The following ALPK2 variants were observed in gnomAD, a reference collection of about 807,000 sequenced individuals.
ALPK2 encodes the protein alpha kinase 2, also known as alpha-protein kinase 2.
Under a neutral mutation model 163.1 loss-of-function variants are expected in ALPK2, and 127 were observed. That is an observed-to-expected ratio of 0.78 (90% CI 0.67 to 0.90). The LOEUF is 0.90. Ranked by LOEUF, ALPK2 falls within the 40% of genes least tolerant of loss-of-function variation. The pLI, the probability that ALPK2 is intolerant of heterozygous loss-of-function variation, is 0.00. For missense variants in ALPK2, 2,360 were observed against 2,589.6 expected (o/e 0.91, Z 1.92); for synonymous variants, 953 against 959.1 (o/e 0.99, Z 0.12).
At position 58,487,261 on chromosome 18, in the gene ALPK2, GAC is replaced by G. The variant is rs1203203468; in HGVS notation, c.6297-5224_6297-5223del. Among the ~76,000 whole-genome samples, 8 of 152,190 alleles carry G rather than the reference GAC, an allele frequency of 5.3e-5. No individual in the cohort carries two copies. In the South Asian group the frequency reaches 6.2e-4, roughly 12 times the overall value. ...TCATAAGAAGATGACAAAAGACAGA[GAC>G]ACACAGGGGGAATATCATGTGATGT... On this transcript the variant is annotated intron_variant, in intron 12 of 12. Coordinates refer to ENST00000361673, the MANE Select transcript of ALPK2 (RefSeq NM_052947.4).
In ALPK2 at chr18:58,521,625, C is replaced by CTTTTTTTTTTTTT. The variant is rs1375364902; in HGVS notation, c.5665+2180_5665+2181insAAAAAAAAAAAAA. ...CATTTCTTTTTCTTTCTTTCTCTCT[C>CTTTTTTTTTTTTT]TCTTTTTTTTTTTTTTTTTTTGAGA... On this transcript the variant is annotated intron_variant, in intron 8 of 12. Transcript: ENST00000361673. 4.1e-3 allele frequency among the ~76,000 whole-genome samples: 205 copies of CTTTTTTTTTTTTT among 50,522 alleles called. 3 individuals are homozygous for CTTTTTTTTTTTTT. The highest frequency in any genetic ancestry group is 6.0e-3 in the Non-Finnish European group (149 of 24,698). The allele number at this position is 50,522 out of a possible 152,430, so 33.1% of individuals were successfully genotyped here.
chr18:58,526,729 A>G (rs1210829307), intron 6 of ALPK2, among the ~76,000 whole-genome samples: 4 of 152,144 alleles, frequency 2.6e-5, no homozygotes, highest in Non-Finnish European at 4.4e-5. Context: ...GTTTCTTCGA[A>G]GTATATTAGT....
rs1372662099 is a variant in ALPK2 at position 58,537,224 on chromosome 18, T to C, written c.2963A>G (p.Lys988Arg). The change falls in exon 5 of 13, where the codon AAG (lysine) becomes AGG (arginine). Residue 988 changes from lysine (K) to arginine (R), a missense_variant. By Grantham distance (26) the Lys-to-Arg change is conservative (BLOSUM62 2). Coordinates refer to ENST00000361673, the MANE Select transcript of ALPK2 (RefSeq NM_052947.4). Reference protein sequence around the residue: ...YSSIVSFPWEKPTTLTANNEC... With the variant: ...YSSIVSFPWERPTTLTANNEC... ...ATTATTAGCAGTTAATGTTGTTGGCTTCTCCCAAGGAAAACTCACAATTGA... is the reference window on the plus strand; with the variant it reads ...ATTATTAGCAGTTAATGTTGTTGGCCTCTCCCAAGGAAAACTCACAATTGA... 6.2e-7 allele frequency: 1 copy of C among 1,614,094 alleles called. No individual in the cohort carries two copies. Among genetic ancestry groups the C allele is most frequent in the East Asian group, 2.2e-5 (1 of 44,898 alleles).
intron 12 of ALPK2, among the ~76,000 whole-genome samples, chr18:58,491,643 C>T (rs35014007): frequency 0.21 from 32,651 of 152,070 alleles, 4,100 homozygotes; most frequent in South Asian, 0.41. Flanking sequence ...CCCCACTTCC[C>T]GACCCCCAAT....
intron 12 of ALPK2, among the ~76,000 whole-genome samples, chr18:58,491,305 C>T (rs183343328): frequency 1.3e-5 from 2 of 152,368 alleles, no homozygotes; most frequent in East Asian, 3.9e-4. Flanking sequence ...CCAAAACAAA[C>T]TCCCTTCTTG....
chr18:58,529,314 C>A (rs2051600403), intron 5 of ALPK2, 76 bp from the exon 6 acceptor site: 2 of 1,369,060 alleles, frequency 1.5e-6, no homozygotes, highest in South Asian at 2.8e-5. Flanking sequence ...CATAACAATC[C>A]TGAGAGACAG....
At chr18:58,613,708 AAATAAT>A (rs147174781) in intron 1 of ALPK2, among the ~76,000 whole-genome samples, 6,395 of 95,080 alleles carry the variant, frequency 0.067, 297 homozygotes, top group African/African-American at 0.12. Context: ...CAAAAAAAAA[AAATAAT>A]AATAATAATA....
Position 58,578,731 on chromosome 18 carries a change from G to GACACACACACACAC in ALPK2, c.1962+82_1962+83insGTGTGTGTGTGTGT, listed in dbSNP as rs1478568401. The GACACACACACACAC allele has an allele frequency of 8.8e-4, 92 of 104,290 alleles. 1 individual carries two copies. In the South Asian group the frequency reaches 9.9e-3, roughly 11 times the overall value. 6.5% of individuals were successfully genotyped at this position (104,290 alleles called of 1,614,324 possible). On this transcript the variant is annotated intron_variant, in intron 4 of 12. Coordinates refer to ENST00000361673, the MANE Select transcript of ALPK2 (RefSeq NM_052947.4). ...CAATTGTGAATGTGAAGTAAAGGAA[G>GACACACACACACAC]AGACACACACACACACACACACACA...
At chr18:58,597,864 A>C (rs2144217296) in intron 3 of ALPK2, among the ~76,000 whole-genome samples, 1 of 152,320 alleles carries the variant, frequency 6.6e-6, no homozygotes, top group East Asian at 1.9e-4. Flanking sequence ...TGACAGGATT[A>C]GTGCCCTTAG....
chr18:58,496,226 A>C (rs1276698394), intron 12 of ALPK2, among the ~76,000 whole-genome samples: 2 of 152,202 alleles, frequency 1.3e-5, no homozygotes, highest in African/African-American at 4.8e-5. Flanking sequence ...TGGAAGCAGC[A>C]GCATCAGGGT....
At chr18:58,574,989 G>A (rs1249669144) in intron 4 of ALPK2, among the ~76,000 whole-genome samples, 2 of 152,102 alleles carry the variant, frequency 1.3e-5, no homozygotes, top group Non-Finnish European at 2.9e-5. Flanking sequence ...CGAGGCAGGT[G>A]GATCACCTGA....
At chr18:58,621,562 C>T (rs1238083910) in intron 1 of ALPK2, among the ~76,000 whole-genome samples, 2 of 152,076 alleles carry the variant, frequency 1.3e-5, no homozygotes, top group Non-Finnish European at 2.9e-5. Flanking sequence ...TGAGCCACTG[C>T]ACCAGGCCAA....
chr18:58,610,752 C>T (rs999337030), intron 2 of ALPK2, among the ~76,000 whole-genome samples: 13 of 151,644 alleles, frequency 8.6e-5, no homozygotes, highest in Non-Finnish European at 1.9e-4. Context: ...CCATCCTGGC[C>T]AACATGGTGA....
At chr18:58,572,257 G>C (rs1031275620) in intron 4 of ALPK2, among the ~76,000 whole-genome samples, 8 of 152,122 alleles carry the variant, frequency 5.3e-5, no homozygotes, top group Non-Finnish European at 8.8e-5. Context: ...CCAAATGCTG[G>C]TGCAGATGTG....
At chr18:58,533,073 C>T (rs1240354754) in intron 5 of ALPK2, among the ~76,000 whole-genome samples, 9 of 152,316 alleles carry the variant, frequency 5.9e-5, no homozygotes, top group East Asian at 5.8e-4. Flanking sequence ...CCGTAGTCTC[C>T]GGCAGGGCCC....
intron 1 of ALPK2, among the ~76,000 whole-genome samples, chr18:58,627,548 C>T (rs1250145146): frequency 6.6e-6 from 1 of 152,124 alleles, no homozygotes. Context: ...TCGCTTGAAC[C>T]CAGGGGGCGG....
At chr18:58,491,909 C>T (rs2144100915) in intron 12 of ALPK2, among the ~76,000 whole-genome samples, 1 of 152,328 alleles carries the variant, frequency 6.6e-6, no homozygotes, top group African/African-American at 2.4e-5. Flanking sequence ...GAGAATTCAC[C>T]ATTCAGAGGA....
In ALPK2 at chr18:58,579,055, G is replaced by C. The variant is rs766525021; in HGVS notation, c.1721C>G (p.Pro574Arg). The change falls in exon 4 of 13, where the codon CCA becomes CGA. Residue 574 changes from proline to arginine, a missense_variant. Pro to Arg is a moderately radical substitution (Grantham distance 103). Coordinates refer to ENST00000361673, the MANE Select transcript of ALPK2 (RefSeq NM_052947.4). The part of the protein sequence containing the change: ...LCSAKESAEP[P>R]LTQSDKRETS... ...CTCTCTTTTATCACTCTGGGTTAGT[G>C]GGGGCTCAGCAGATTCTTTGGCAGA... is the stretch of plus-strand genomic sequence containing the variant. 7 of 1,614,226 alleles carry C rather than the reference G, an allele frequency of 4.3e-6. No homozygotes were observed. Among genetic ancestry groups the C allele is most frequent in the African/African-American group, 2.7e-5 (2 of 75,052 alleles).
Position 58,536,111 on chromosome 18 carries a change from G to A in ALPK2, c.4076C>T (p.Ala1359Val), listed in dbSNP as rs372041420. The A allele has an allele frequency of 1.1e-5, 18 of 1,613,970 alleles. No homozygotes were observed. The highest frequency in any genetic ancestry group is 2.7e-5 in the African/African-American group (2 of 74,904). ...TTCCTTCCCTCCAGTTTCAGAAGCC[G>A]CTGACAGTGAATCTGTGACAGATAA... is the stretch of plus-strand genomic sequence containing the variant. ...KELSVTDSLS[A>V]ASETGGKENV... Residue 1359 changes from alanine to valine, a missense_variant, in exon 5 of 13, where the codon GCG (alanine) becomes GTG (valine). Coordinates refer to ENST00000361673, the MANE Select transcript of ALPK2 (RefSeq NM_052947.4).
Sources: gnomAD v4.1 joint callset for allele counts (sites outside exome capture counted in the v4.1 genomes callset) on GRCh38, gnomAD v4.1.1 for gene constraint, MANE v1.5 for transcripts, NCBI Gene and HGNC (gene_info 2026-07-23, HGNC 2026-07-21) for gene names.